DNAJB9: variants seen among roughly 807,000 people sequenced by gnomAD.
DNAJB9 encodes the protein DnaJ heat shock protein family (Hsp40) member B9, also known as dnaJ homolog subfamily B member 9.
In DNAJB9, 12 loss-of-function variants were observed where a neutral mutation model predicts 19.2. The ratio of observed to expected loss-of-function variants is 0.62; its 90% CI spans 0.40 to 1.01. The LOEUF (loss-of-function observed/expected upper bound fraction) is 1.01, where lower values mean the gene tolerates loss of function less well. DNAJB9 is among the 50% of genes least tolerant of loss of function. The probability of loss-of-function intolerance (pLI) is 0.00; values close to 1 mark genes in which losing one functional copy is unlikely to be tolerated. For missense variants in DNAJB9, 272 were observed against 261.1 expected (o/e 1.04, Z -0.29); for synonymous variants, 83 against 84.0 (o/e 0.99, Z 0.07).
At chr7:108,572,501 AG>A (rs1263094735) in intron 2 of DNAJB9, among the ~76,000 whole-genome samples, 1 of 152,212 alleles carries the variant, frequency 6.6e-6, no homozygotes, top group Non-Finnish European at 1.5e-5. Context: ...TACTTTAGTA[AG>A]GAGGTGCAAA....
rs760422534 is a variant in DNAJB9 at position 108,571,957 on chromosome 7, A to G, written c.217+14A>G. On this transcript the variant is annotated intron_variant, in intron 2 of 2. Coordinates refer to ENST00000249356, the MANE Select transcript of DNAJB9 (RefSeq NM_012328.3). ...AGATTGCAGAAGGTAAATAAATGACAATCTCTGAAGTGTCATGGGTATTAA... is the reference window on the plus strand; with the variant it reads ...AGATTGCAGAAGGTAAATAAATGACGATCTCTGAAGTGTCATGGGTATTAA... 2 of 1,612,218 alleles carry G rather than the reference A, an allele frequency of 1.2e-6. No individual in the cohort carries two copies. Among genetic ancestry groups the G allele is most frequent in the South Asian group, 2.2e-5 (2 of 91,020 alleles).
rs1260606572 is a variant in DNAJB9, at chr7:108,574,106, G to A, written c.*753G>A. ...TAGTTGTTGGCACTCTTAGGTCTTA[G>A]TATGGATTTATGTGTTTGTGTGTGT... On this transcript the variant is annotated 3_prime_UTR_variant, in exon 3 of 3. Transcript: ENST00000249356. The A allele has an allele frequency of 6.6e-6, 1 of 152,566 alleles. No homozygotes were observed. Among genetic ancestry groups the A allele is most frequent in the Non-Finnish European group, 1.5e-5 (1 of 68,010 alleles). 9.5% of individuals were successfully genotyped at this position (152,566 alleles called of 1,614,324 possible). A position where few individuals can be genotyped will look rare whatever the true frequency, so the allele number is the denominator to read the frequency against.
Position 108,574,171 on chromosome 7 carries a change from T to TGATA in DNAJB9, c.*819_*822dup, listed in dbSNP as rs1158402367. 1 of 152,622 alleles carries TGATA rather than the reference T, an allele frequency of 6.6e-6. No homozygotes were observed. The highest frequency in any genetic ancestry group is 1.5e-5 in the Non-Finnish European group (1 of 68,016). 9.5% of individuals were successfully genotyped at this position (152,622 alleles called of 1,614,324 possible). A position where few individuals can be genotyped will look rare whatever the true frequency, so the allele number is the denominator to read the frequency against. On this transcript the variant is annotated 3_prime_UTR_variant, in exon 3 of 3. Transcript: ENST00000249356. ...CTCTCATCTTTATCTAGAGATTGACTGATACCTCATTCTGTTTGTAAAACC... is the reference window on the plus strand; with the variant it reads ...CTCTCATCTTTATCTAGAGATTGACTGATAGATACCTCATTCTGTTTGTAAAACC...
intron 2 of DNAJB9, 93 bp downstream of exon 2, chr7:108,572,036 A>G (rs1790628713): frequency 4.0e-6 from 5 of 1,239,874 alleles, no homozygotes; most frequent in South Asian, 4.0e-5. Flanking sequence ...TTTTGTGGAG[A>G]TGGGAGGTGG....
chr7:108,571,778 A>G lies in DNAJB9; in HGVS notation c.52A>G (p.Thr18Ala). The G allele has an allele frequency of 6.2e-7, 1 of 1,614,142 alleles. No homozygotes were observed. Among genetic ancestry groups the G allele is most frequent in the Non-Finnish European group, 8.5e-7 (1 of 1,180,010 alleles). Residue 18 changes from threonine (T) to alanine (A), a missense_variant, in exon 2 of 3, where the codon ACA becomes GCA. Coordinates refer to ENST00000249356, the MANE Select transcript of DNAJB9 (RefSeq NM_012328.3). The part of the protein sequence containing the change: ...FIFAICILMI[T>A]ELILASKSYY... ...CTTTGCAATCTGCATTTTAATGATA[A>G]CAGAATTAATTCTGGCCTCAAAAAG... is the stretch of plus-strand genomic sequence containing the variant.
chr7:108,571,869 A>C lies in DNAJB9; in HGVS notation c.143A>C (p.Lys48Thr), dbSNP rs534958981. The change falls in exon 2 of 3, where the codon AAG becomes ACG. Residue 48 changes from lysine to threonine, a missense_variant. Lys to Thr is a moderately conservative substitution (Grantham distance 78, BLOSUM62 -1). Coordinates refer to ENST00000249356, the MANE Select transcript of DNAJB9 (RefSeq NM_012328.3). ...SERQIKKAFH[K>T]LAMKYHPDKN... ...CGCCAAATCAAGAAGGCCTTTCACAAGTTGGCCATGAAGTACCACCCTGAC... is the reference window on the plus strand; with the variant it reads ...CGCCAAATCAAGAAGGCCTTTCACACGTTGGCCATGAAGTACCACCCTGAC... The C allele has an allele frequency of 2.5e-6, 4 of 1,614,088 alleles. No individual in the cohort carries two copies. The Admixed American group carries it at 5.0e-5, about 20-fold the overall frequency.
intron 2 of DNAJB9, chr7:108,572,183 A>G (rs1336155514): frequency 1.4e-5 from 5 of 348,810 alleles, no homozygotes; most frequent in Non-Finnish European, 2.6e-5. Flanking sequence ...TTGAAAATCT[A>G]TTCTATATTA....
chr7:108,570,552 G>C (rs185576053), intron 1 of DNAJB9, among the ~76,000 whole-genome samples: 37 of 152,314 alleles, frequency 2.4e-4, no homozygotes, highest in African/African-American at 8.4e-4. Context: ...AATAACGTCT[G>C]CTGAACCAGT....
Position 108,572,960 on chromosome 7 carries a change from T to C in DNAJB9, c.279T>C (p.Ala93=). 1 of 1,614,088 alleles carries C rather than the reference T, an allele frequency of 6.2e-7. No individual in the cohort carries two copies. The highest frequency in any genetic ancestry group is 8.5e-7 in the Non-Finnish European group (1 of 1,179,934). The change falls in exon 3 of 3, where the codon GCT becomes GCC. Residue 93 remains alanine (A), a synonymous_variant. Coordinates refer to ENST00000249356, the MANE Select transcript of DNAJB9 (RefSeq NM_012328.3). Reference sequence around the variant, plus strand: ...AGTATGATACACTTGGACACAGTGCTTTTACTAGTGGTAAAGGACAAAGAG... The same window carrying C: ...AGTATGATACACTTGGACACAGTGCCTTTACTAGTGGTAAAGGACAAAGAG... ...RKEYDTLGHS[A]FTSGKGQRGS...
Position 108,571,876 on chromosome 7 carries a change from C to T in DNAJB9, c.150C>T (p.Ala50=), listed in dbSNP as rs947621911. ...TCAAGAAGGCCTTTCACAAGTTGGCCATGAAGTACCACCCTGACAAAAATA... is the reference window on the plus strand; with the variant it reads ...TCAAGAAGGCCTTTCACAAGTTGGCTATGAAGTACCACCCTGACAAAAATA... ...RQIKKAFHKL[A]MKYHPDKNKS... Residue 50 remains alanine, a synonymous_variant, in exon 2 of 3, where the codon GCC becomes GCT. Coordinates refer to ENST00000249356, the MANE Select transcript of DNAJB9 (RefSeq NM_012328.3). 1.9e-6 allele frequency: 3 copies of T among 1,614,022 alleles called. No homozygotes were observed. Among genetic ancestry groups the T allele is most frequent in the East Asian group, 2.2e-5 (1 of 44,866 alleles).
chr7:108,574,846 T>G lies in DNAJB9; in HGVS notation c.*1493T>G, dbSNP rs1393679275. 6.6e-6 allele frequency: 1 copy of G among 152,218 alleles called. No individual in the cohort carries two copies. Among genetic ancestry groups the G allele is most frequent in the East Asian group, 1.9e-4 (1 of 5,202 alleles). 9.4% of individuals were successfully genotyped at this position (152,218 alleles called of 1,614,324 possible). A position where few individuals can be genotyped will look rare whatever the true frequency, so the allele number is the denominator to read the frequency against. On this transcript the variant is annotated 3_prime_UTR_variant, in exon 3 of 3. Transcript: ENST00000249356. ...TGATAATAATAAAATTAGCTATACC[T>G]TGAATTTTGGGCTGAGGATTATCTG... is the stretch of plus-strand genomic sequence containing the variant.
At chr7:108,570,293 C>T (rs1207763724) in intron 1 of DNAJB9, among the ~76,000 whole-genome samples, 190 bp downstream of exon 1, 1 of 152,076 alleles carries the variant, frequency 6.6e-6, no homozygotes, top group Non-Finnish European at 1.5e-5. Context: ...TGGGTTGTGG[C>T]GCCGGCTTTC....
intron 1 of DNAJB9, among the ~76,000 whole-genome samples, chr7:108,570,579 A>G (rs576684990): frequency 3.3e-5 from 5 of 152,298 alleles, no homozygotes; most frequent in Non-Finnish European, 7.4e-5. Flanking sequence ...CCTCCCTGTC[A>G]GTTTTAGATC....
At chr7:108,572,240 C>T (rs1790631222) in intron 2 of DNAJB9, among the ~76,000 whole-genome samples, 1 of 152,016 alleles carries the variant, frequency 6.6e-6, no homozygotes, top group Admixed American at 6.5e-5. Flanking sequence ...ATTTTAGGTA[C>T]CCAAAATTCT....
Position 108,573,378 on chromosome 7 carries a change from C to A in DNAJB9, c.*25C>A. 1 of 1,461,608 alleles carries A rather than the reference C, an allele frequency of 6.8e-7. No individual in the cohort carries two copies. Among genetic ancestry groups the A allele is most frequent in the Non-Finnish European group, 9.1e-7 (1 of 1,102,424 alleles). The allele number at this position is 1,461,608 out of a possible 1,614,324, so 90.5% of individuals were successfully genotyped here. On this transcript the variant is annotated 3_prime_UTR_variant, in exon 3 of 3. Transcript: ENST00000249356. Reference sequence around the variant, plus strand: ...GTTCTTATTCTATTCTCACTAAATCCAACTGGTTGACTCTTCCTCATTATC... The same window carrying A: ...GTTCTTATTCTATTCTCACTAAATCAAACTGGTTGACTCTTCCTCATTATC...
At chr7:108,572,058 T>A in intron 2 of DNAJB9, 115 bp downstream of exon 2, 1 of 899,796 alleles carries the variant, frequency 1.1e-6, no homozygotes, top group Non-Finnish European at 1.7e-6. Flanking sequence ...GTGGGATTTA[T>A]GTATAAATAT....
intron 1 of DNAJB9, among the ~76,000 whole-genome samples, chr7:108,570,638 C>T (rs943297458): frequency 6.6e-6 from 1 of 152,212 alleles, no homozygotes; most frequent in Non-Finnish European, 1.5e-5. Context: ...GTCCATGGGA[C>T]ACACTGTTGT....
Position 108,570,111 on chromosome 7 carries a change from A to G in DNAJB9, c.-11+8A>G, listed in dbSNP as rs910346303. On this transcript the variant is annotated splice_region_variant and intron_variant, in intron 1 of 2. Coordinates refer to ENST00000249356, the MANE Select transcript of DNAJB9 (RefSeq NM_012328.3). ...AGTAGTCGGAGGGTGCAGGTGAGGGACGAGGCCGGGGTCGTGGGGAGGGGA... is the reference window on the plus strand; with the variant it reads ...AGTAGTCGGAGGGTGCAGGTGAGGGGCGAGGCCGGGGTCGTGGGGAGGGGA... The G allele has an allele frequency of 6.2e-6, 1 of 161,072 alleles. No homozygotes were observed. The highest frequency in any genetic ancestry group is 2.4e-5 in the African/African-American group (1 of 41,502). 10.0% of individuals were successfully genotyped at this position (161,072 alleles called of 1,614,324 possible).
Position 108,573,163 on chromosome 7 carries a change from T to C in DNAJB9, c.482T>C (p.Phe161Ser), listed in dbSNP as rs766577031. The C allele has an allele frequency of 1.9e-6, 3 of 1,614,046 alleles. No homozygotes were observed. The highest frequency in any genetic ancestry group is 2.5e-6 in the Non-Finnish European group (3 of 1,179,932). The change falls in exon 3 of 3, where the codon TTT (phenylalanine) becomes TCT (serine). Residue 161 changes from phenylalanine to serine, a missense_variant. Phe to Ser is a radical substitution (Grantham distance 155). Coordinates refer to ENST00000249356, the MANE Select transcript of DNAJB9 (RefSeq NM_012328.3). ...RQRHHFQEFS[F>S]GGGLFDDMFE... ...AGGCATCATTTCCAAGAATTTTCTT[T>C]TGGAGGTGGATTATTTGATGACATG...
Sources: allele counts gnomAD v4.1 joint callset (sites outside exome capture counted in the v4.1 genomes callset), GRCh38; gene constraint gnomAD v4.1.1; transcripts MANE v1.5; gene names NCBI Gene and HGNC (gene_info 2026-07-23, HGNC 2026-07-21).